FHIP1A: variants seen among roughly 807,000 people sequenced by gnomAD.
FHIP1A encodes the protein FHF complex subunit HOOK interacting protein 1A, also known as FHF complex subunit HOOK-interacting protein 1A.
FHIP1A carries 61 observed loss-of-function variants against 88.6 expected under a neutral mutation model. The observed-to-expected ratio is 0.69, with a 90% CI of 0.56 to 0.85. The LOEUF (loss-of-function observed/expected upper bound fraction) is 0.85, where lower values mean the gene tolerates loss of function less well. Ranked by LOEUF, FHIP1A falls within the 40% of genes least tolerant of loss-of-function variation. The pLI is 0.00. For missense variants in FHIP1A, 1,154 were observed against 1,273.5 expected, an observed-to-expected ratio of 0.91 and a Z score of 1.43; for synonymous variants, 478 against 496.0, an observed-to-expected ratio of 0.96 and a Z score of 0.48.
chr4:151,600,894 G>A lies in FHIP1A; in HGVS notation c.978+11968G>A, dbSNP rs1734843694. ...CTAGTCTCCTAAGGCTGGGGAACCT[G>A]GAAGAGTATCCCTTATGCCATATTT... On this transcript the variant is annotated intron_variant, in intron 7 of 13. Coordinates refer to ENST00000435205, the MANE Select transcript of FHIP1A (RefSeq NM_001109977.3). Among the ~76,000 whole-genome samples, 5 of 152,170 alleles carry A rather than the reference G, an allele frequency of 3.3e-5. No homozygotes were observed. In the South Asian group the frequency reaches 1.0e-3, roughly 32 times the overall value.
chr4:151,596,898 A>C (rs2126822100), intron 7 of FHIP1A, among the ~76,000 whole-genome samples: 1 of 151,794 alleles, frequency 6.6e-6, no homozygotes, highest in Middle Eastern at 3.4e-3. Context: ...TCTTTTCTAA[A>C]CTGGTTATTC....
intron 2 of FHIP1A, among the ~76,000 whole-genome samples, chr4:151,472,154 G>A (rs1225876429): frequency 6.6e-6 from 1 of 152,100 alleles, no homozygotes; most frequent in Non-Finnish European, 1.5e-5. Context: ...ATACATATGT[G>A]ATTACAGGGC....
intron 2 of FHIP1A, among the ~76,000 whole-genome samples, chr4:151,468,027 G>T (rs1275052587): frequency 6.7e-6 from 1 of 150,112 alleles, no homozygotes. Context: ...GCTCATGCCT[G>T]TAATCCCAGC....
chr4:151,495,300 T>G (rs1047097078), intron 3 of FHIP1A, among the ~76,000 whole-genome samples: 5 of 152,070 alleles, frequency 3.3e-5, no homozygotes, highest in African/African-American at 1.2e-4. Context: ...GTCAGGAGTT[T>G]GAGACCAGCC....
chr4:151,516,102 G>A (rs1019120504), intron 3 of FHIP1A, among the ~76,000 whole-genome samples: 2 of 152,162 alleles, frequency 1.3e-5, no homozygotes, highest in Admixed American at 6.6e-5. Flanking sequence ...CCAAAACAGA[G>A]ATGTAGATCA....
intron 7 of FHIP1A, among the ~76,000 whole-genome samples, chr4:151,624,235 G>A (rs570370914): frequency 6.6e-6 from 1 of 152,348 alleles, no homozygotes; most frequent in South Asian, 2.1e-4. Context: ...GTACTTCGGG[G>A]ACGGGTAGTC....
At chr4:151,483,914 G>A (rs1271778575) in intron 3 of FHIP1A, among the ~76,000 whole-genome samples, 2 of 152,132 alleles carry the variant, frequency 1.3e-5, no homozygotes, top group African/African-American at 2.4e-5. Context: ...AAGTGGTATT[G>A]CATAAATTTG....
In FHIP1A at chr4:151,669,305, C is replaced by T. The variant is rs1737776659; in HGVS notation, c.*6551C>T. 6.6e-6 allele frequency among the ~76,000 whole-genome samples: 1 copy of T among 152,214 alleles called. No homozygotes were observed. On this transcript the variant is annotated 3_prime_UTR_variant, in exon 14 of 14. Coordinates refer to ENST00000435205, the MANE Select transcript of FHIP1A (RefSeq NM_001109977.3). ...TGAATGAGAATCAGCCTGGACAAAT[C>T]AAGTGCTTTAACAAGGGCATCTTCC... is the stretch of plus-strand genomic sequence containing the variant.
At chr4:151,647,820 C>T (rs749013240) in intron 10 of FHIP1A, among the ~76,000 whole-genome samples, 2 of 152,130 alleles carry the variant, frequency 1.3e-5, no homozygotes, top group Non-Finnish European at 2.9e-5. Context: ...GCTAACCTTG[C>T]CTCAGAATTC....
intron 3 of FHIP1A, among the ~76,000 whole-genome samples, chr4:151,539,053 T>C (rs1447387720): frequency 6.6e-6 from 1 of 152,198 alleles, no homozygotes; most frequent in Admixed American, 6.5e-5. Context: ...AGTGTAAATA[T>C]TGCAAATTAA....
intron 1 of FHIP1A, among the ~76,000 whole-genome samples, chr4:151,437,349 G>A (rs1728241202): frequency 6.6e-6 from 1 of 152,040 alleles, no homozygotes; most frequent in Non-Finnish European, 1.5e-5. Flanking sequence ...TCCCAAGGAT[G>A]ACCAAAAATG....
At chr4:151,512,122 T>A (rs1731057268) in intron 3 of FHIP1A, among the ~76,000 whole-genome samples, 1 of 152,196 alleles carries the variant, frequency 6.6e-6, no homozygotes, top group South Asian at 2.1e-4. Context: ...GCAGCATTCG[T>A]GGATCACGAA....
intron 3 of FHIP1A, among the ~76,000 whole-genome samples, chr4:151,543,737 C>T (rs1029046098): frequency 2.6e-5 from 4 of 152,104 alleles, no homozygotes; most frequent in Admixed American, 6.6e-5. Context: ...TCTAAGTCAC[C>T]ATTATAATGA....
At chr4:151,429,235 T>G (rs1340978187) in intron 1 of FHIP1A, among the ~76,000 whole-genome samples, 2 of 152,270 alleles carry the variant, frequency 1.3e-5, no homozygotes, top group Non-Finnish European at 2.9e-5. Context: ...GCAGTTCGCC[T>G]GTTTTTGTTC....
intron 3 of FHIP1A, among the ~76,000 whole-genome samples, chr4:151,517,995 A>T (rs1731309248): frequency 6.6e-6 from 1 of 152,198 alleles, no homozygotes. Context: ...GAAGAAAGAA[A>T]ATATTTTAAG....
intron 1 of FHIP1A, among the ~76,000 whole-genome samples, chr4:151,423,166 G>GTAGT (rs1733240379): frequency 6.6e-6 from 1 of 152,128 alleles, no homozygotes; most frequent in Non-Finnish European, 1.5e-5. Context: ...TTCTGACAGA[G>GTAGT]TAGTCTTAAA....
intron 3 of FHIP1A, among the ~76,000 whole-genome samples, chr4:151,560,771 C>G (rs553917904): frequency 2.0e-5 from 3 of 152,048 alleles, no homozygotes; most frequent in African/African-American, 7.2e-5. Context: ...TCTGTTCAAT[C>G]GCCAAGGAGC....
intron 7 of FHIP1A, among the ~76,000 whole-genome samples, chr4:151,607,267 A>G (rs541915070): frequency 3.3e-5 from 5 of 152,342 alleles, no homozygotes; most frequent in African/African-American, 7.2e-5. Context: ...AACCATCACT[A>G]TAATCAGTCA....
intron 1 of FHIP1A, chr4:151,436,289 A>T (rs1728195585): frequency 6.6e-6 from 1 of 152,154 alleles, no homozygotes; most frequent in Admixed American, 6.5e-5. Context: ...TTATTACATT[A>T]AATAGAATCT....
Sources: gnomAD v4.1 joint callset for allele counts (sites outside exome capture counted in the v4.1 genomes callset) on GRCh38, gnomAD v4.1.1 for gene constraint, MANE v1.5 for transcripts, NCBI Gene and HGNC (gene_info 2026-07-23, HGNC 2026-07-21) for gene names.